SDCCAG8: variants seen among roughly 807,000 people sequenced by gnomAD.
The protein encoded by SDCCAG8 is SHH signaling and ciliogenesis regulator SDCCAG8, also known as serologically defined colon cancer antigen 8.
Under a neutral mutation model 101.8 loss-of-function variants are expected in SDCCAG8, and 74 were observed. The observed-to-expected ratio is 0.73, with a 90% CI of 0.60 to 0.88. SDCCAG8 has a LOEUF of 0.88. SDCCAG8 is among the 40% of genes least tolerant of loss of function. The pLI, the probability that SDCCAG8 is intolerant of heterozygous loss-of-function variation, is 0.00. For synonymous variants in SDCCAG8, 281 were observed against 292.9 expected (o/e 0.96, Z 0.41); for missense variants, 787 against 822.6 (o/e 0.96, Z 0.53).
chr1:243,411,337 G>A (rs1047719018), intron 13 of SDCCAG8, among the ~76,000 whole-genome samples: 2 of 151,774 alleles, frequency 1.3e-5, no homozygotes, highest in Non-Finnish European at 2.9e-5. Context: ...GGCTGGTCTC[G>A]AACTCCTGGG....
chr1:243,469,366 C>T (rs773782270), intron 16 of SDCCAG8, among the ~76,000 whole-genome samples: 1 of 152,136 alleles, frequency 6.6e-6, no homozygotes, highest in Non-Finnish European at 1.5e-5. Flanking sequence ...TACCACTAAG[C>T]CCTTGGCTAT....
rs1434430359 is a variant in SDCCAG8, at chr1:243,327,989, G to A, written c.1069-2551G>A. On this transcript the variant is annotated intron_variant, in intron 9 of 17. Coordinates refer to ENST00000366541, the MANE Select transcript of SDCCAG8 (RefSeq NM_006642.5). ...GCGATCTCAGCTCACTGCAAGCTCC[G>A]CCTCCCGGGTTCACGCCATTCTCCT... Among the ~76,000 whole-genome samples the A allele has an allele frequency of 3.3e-5, 5 of 152,128 alleles. No homozygotes were observed. The East Asian group carries it at 9.7e-4, about 29-fold the overall frequency.
At chr1:243,451,620 G>A (rs934570822) in intron 16 of SDCCAG8, among the ~76,000 whole-genome samples, 1 of 152,002 alleles carries the variant, frequency 6.6e-6, no homozygotes. Context: ...AGACACTTAC[G>A]TATATATACT....
rs200931135 is a variant in SDCCAG8 at position 243,477,018 on chromosome 1, A to G, written c.1986-11996A>G. On this transcript the variant is annotated intron_variant, in intron 16 of 17. Coordinates refer to ENST00000366541, the MANE Select transcript of SDCCAG8 (RefSeq NM_006642.5). ...GTTCTGTACACACACACACACACAC[A>G]CACACACACACACACAGAGAGAAAG... 4.4e-3 allele frequency among the ~76,000 whole-genome samples: 628 copies of G among 143,632 alleles called. 2 individuals carry two copies. The highest frequency in any genetic ancestry group is 7.1e-3 in the Non-Finnish European group (466 of 65,966). 94.2% of individuals were successfully genotyped at this position (143,632 alleles called of 152,430 possible). A position where few individuals can be genotyped will look rare whatever the true frequency, so the allele number is the denominator to read the frequency against.
intron 17 of SDCCAG8, among the ~76,000 whole-genome samples, chr1:243,491,756 G>A (rs974440105): frequency 1.3e-5 from 2 of 152,152 alleles, no homozygotes; most frequent in Admixed American, 1.3e-4. Context: ...TGAGGGCTCC[G>A]GAGTGCTCAG....
chr1:243,276,421 A>G (rs1188874973), intron 4 of SDCCAG8, among the ~76,000 whole-genome samples: 2 of 152,250 alleles, frequency 1.3e-5, no homozygotes, highest in Non-Finnish European at 1.5e-5. Context: ...AGAGAAGAAT[A>G]GAATTAAAAT....
intron 16 of SDCCAG8, among the ~76,000 whole-genome samples, chr1:243,445,339 A>G (rs2082829196): frequency 6.6e-6 from 1 of 152,214 alleles, no homozygotes; most frequent in South Asian, 2.1e-4. Flanking sequence ...CAAAGAATAC[A>G]AGTAATGACT....
chr1:243,489,056 G>A lies in SDCCAG8; in HGVS notation c.2028G>A (p.Gln676=), dbSNP rs1462112522. ...AGCACAGCCAGGCCACAGCCCAGCA[G>A]CTGGTGCAGCTCCTCAGCAAGCAGA... is the stretch of plus-strand genomic sequence containing the variant. ...LDKHSQATAQ[Q]LVQLLSKQNQ... Residue 676 remains glutamine (Q), a synonymous_variant, in exon 17 of 18, where the codon CAG becomes CAA. Coordinates refer to ENST00000366541, the MANE Select transcript of SDCCAG8 (RefSeq NM_006642.5). 1.2e-6 allele frequency: 2 copies of A among 1,613,328 alleles called. No homozygotes were observed. Among genetic ancestry groups the A allele is most frequent in the Non-Finnish European group, 1.7e-6 (2 of 1,180,048 alleles).
intron 16 of SDCCAG8, among the ~76,000 whole-genome samples, chr1:243,473,919 C>T (rs1370802769): frequency 2.9e-4 from 1 of 3,446 alleles, no homozygotes; most frequent in Admixed American, 3.4e-3. Context: ...GGAGAGTTGC[C>T]GGCGGGGGGG....
At chr1:243,424,526 T>G (rs187425640) in intron 15 of SDCCAG8, among the ~76,000 whole-genome samples, 1 of 152,236 alleles carries the variant, frequency 6.6e-6, no homozygotes, top group Non-Finnish European at 1.5e-5. Context: ...AATTATAAAA[T>G]GAAATCACAT....
intron 10 of SDCCAG8, among the ~76,000 whole-genome samples, chr1:243,334,492 A>G (rs1053221104): frequency 1.3e-5 from 2 of 152,018 alleles, no homozygotes; most frequent in Non-Finnish European, 2.9e-5. Flanking sequence ...CCTCTCTTCC[A>G]TACTGTTTTT....
chr1:243,463,213 A>G (rs1011227011), intron 16 of SDCCAG8, among the ~76,000 whole-genome samples: 27 of 152,364 alleles, frequency 1.8e-4, no homozygotes, highest in African/African-American at 6.5e-4. Context: ...GCAGACAGTC[A>G]TAGTGCACTG....
intron 9 of SDCCAG8, among the ~76,000 whole-genome samples, chr1:243,324,459 C>CT (rs34446782): frequency 0.04 from 3,470 of 86,984 alleles, 321 homozygotes; most frequent in African/African-American, 0.06. Flanking sequence ...TCTTCACATG[C>CT]TTTTTTTTTT....
intron 6 of SDCCAG8, among the ~76,000 whole-genome samples, chr1:243,300,780 T>G (rs1254358356): frequency 6.6e-6 from 1 of 152,216 alleles, no homozygotes; most frequent in Non-Finnish European, 1.5e-5. Flanking sequence ...CCTCTCTAAA[T>G]TTTTCAGTTT....
At chr1:243,484,675 T>C (rs1426875236) in intron 16 of SDCCAG8, among the ~76,000 whole-genome samples, 1 of 152,184 alleles carries the variant, frequency 6.6e-6, no homozygotes, top group East Asian at 1.9e-4. Flanking sequence ...TCTCCTCCAT[T>C]GGCCGGGAAC....
chr1:243,414,429 G>C (rs1415123463), intron 13 of SDCCAG8, among the ~76,000 whole-genome samples: 1 of 152,106 alleles, frequency 6.6e-6, no homozygotes, highest in Non-Finnish European at 1.5e-5. Context: ...CCACATCCCG[G>C]GGGGAGGTGT....
chr1:243,281,302 T>C (rs927323616), intron 4 of SDCCAG8, among the ~76,000 whole-genome samples: 1 of 149,484 alleles, frequency 6.7e-6, no homozygotes, highest in East Asian at 1.9e-4. Context: ...GAGATTTCTT[T>C]TTTTTTTTTT....
At chr1:243,437,774 G>T (rs1307291452) in intron 16 of SDCCAG8, among the ~76,000 whole-genome samples, 1 of 152,074 alleles carries the variant, frequency 6.6e-6, no homozygotes, top group African/African-American at 2.4e-5. Flanking sequence ...TCCTGACCTC[G>T]TGATCCGCCC....
chr1:243,327,498 T>C (rs1315368477), intron 9 of SDCCAG8, among the ~76,000 whole-genome samples: 3 of 149,600 alleles, frequency 2.0e-5, no homozygotes, highest in African/African-American at 7.3e-5. Flanking sequence ...AATTATAATT[T>C]ATAATTTTGT....
Sources: gnomAD v4.1 joint callset for allele counts (sites outside exome capture counted in the v4.1 genomes callset) on GRCh38, gnomAD v4.1.1 for gene constraint, MANE v1.5 for transcripts, NCBI Gene and HGNC (gene_info 2026-07-23, HGNC 2026-07-21) for gene names.